CCZ1B: variants seen among roughly 807,000 people sequenced by gnomAD.
CCZ1B encodes vacuolar fusion protein CCZ1 homolog B.
CCZ1B carries 25 observed loss-of-function variants against 58.8 expected under a neutral mutation model. That is an observed-to-expected ratio of 0.43 (90% CI 0.31 to 0.59). The LOEUF (loss-of-function observed/expected upper bound fraction) is 0.59, where lower values mean the gene tolerates loss of function less well. Ranked by LOEUF, CCZ1B falls within the 20% of genes least tolerant of loss-of-function variation. The probability of loss-of-function intolerance (pLI) is 0.12; values close to 1 mark genes in which losing one functional copy is unlikely to be tolerated. For synonymous variants in CCZ1B, 66 were observed against 173.2 expected (o/e 0.38, Z 4.86); for missense variants, 180 against 501.5 (o/e 0.36, Z 6.12).
At chr7:6,825,562 A>G (rs1051862199) in intron 1 of CCZ1B, among the ~76,000 whole-genome samples, 2 of 119,660 alleles carry the variant, frequency 1.7e-5, no homozygotes, top group African/African-American at 7.0e-5. Flanking sequence ...GACAGTCTTT[A>G]ACAGAAGTCT....
chr7:6,820,421 C>T (rs1378507423), intron 6 of CCZ1B, among the ~76,000 whole-genome samples: 1 of 149,238 alleles, frequency 6.7e-6, no homozygotes, highest in Admixed American at 6.7e-5. Flanking sequence ...TCGTGATCTG[C>T]CTGCCTCAGC....
Position 6,814,855 on chromosome 7 carries a change from C to A in CCZ1B, c.699-10G>T, listed in dbSNP as rs370149338. The A allele has an allele frequency of 4.4e-6, 7 of 1,581,780 alleles. No individual in the cohort carries two copies. Among genetic ancestry groups the A allele is most frequent in the Non-Finnish European group, 6.0e-6 (7 of 1,159,332 alleles). The stretch of plus-strand genomic sequence containing the variant: ...TTGTTCTAATCCACTCCTGCAACAA[C>A]AGAAAAGCACTGGGTTAAACGTTTC... On this transcript the variant is annotated splice_polypyrimidine_tract_variant and intron_variant, in intron 7 of 14. Transcript: ENST00000316731.
In CCZ1B at chr7:6,811,942, C is replaced by T. The variant is rs1265414847; in HGVS notation, c.954+10G>A. 7 of 1,594,612 alleles carry T rather than the reference C, an allele frequency of 4.4e-6. No individual in the cohort carries two copies. The highest frequency in any genetic ancestry group is 4.5e-5 in the East Asian group (2 of 44,858). On this transcript the variant is annotated intron_variant, in intron 10 of 14. Transcript: ENST00000316731. ...ACAATCATTAACGCTGGAAGGAAAA[C>T]AGTTGTTACCTTATAAACGATTAAA...
chr7:6,810,356 G>A lies in CCZ1B; in HGVS notation c.954+1596C>T, dbSNP rs1362000803. On this transcript the variant is annotated intron_variant, in intron 10 of 14. Transcript: ENST00000316731. ...TTATCTGTGGTTGACAGCTTGGCAT[G>A]GCAAAGAACTCTATGCTCAAATTCA... is the stretch of plus-strand genomic sequence containing the variant. Among the ~76,000 whole-genome samples the A allele has an allele frequency of 2.0e-5, 3 of 149,250 alleles. No homozygotes were observed. The South Asian group carries it at 6.3e-4, about 31-fold the overall frequency.
At chr7:6,804,465 T>A (rs1378452047) in intron 12 of CCZ1B, among the ~76,000 whole-genome samples, 1 of 119,710 alleles carries the variant, frequency 8.4e-6, no homozygotes, top group East Asian at 3.4e-4. Flanking sequence ...GACATTTCAG[T>A]GTCTAGAGAG....
chr7:6,815,952 C>T (rs1218343488), intron 7 of CCZ1B, among the ~76,000 whole-genome samples: 2 of 145,312 alleles, frequency 1.4e-5, no homozygotes, highest in African/African-American at 5.3e-5. Flanking sequence ...GGAACGTGAT[C>T]CTAGGTCTCA....
At chr7:6,804,143 G>C (rs1488557151) in intron 12 of CCZ1B, among the ~76,000 whole-genome samples, 1 of 150,160 alleles carries the variant, frequency 6.7e-6, no homozygotes, top group South Asian at 2.2e-4. Flanking sequence ...AGATAGGCAT[G>C]GCCGGGTGCG....
intron 10 of CCZ1B, chr7:6,807,200 G>A (rs1782843649): frequency 3.8e-5 from 4 of 104,842 alleles, no homozygotes; most frequent in Admixed American, 1.1e-4. Flanking sequence ...GTGGTGGTGC[G>A]CCTATAATCC....
intron 14 of CCZ1B, 69 bp from the exon 15 acceptor site, chr7:6,799,348 A>G: frequency 1.0e-6 from 1 of 991,376 alleles, no homozygotes; most frequent in African/African-American, 2.8e-5. Flanking sequence ...TATATAATTA[A>G]ATTCTTCTTG....
At chr7:6,816,804 G>T (rs1387498279) in intron 7 of CCZ1B, among the ~76,000 whole-genome samples, 4 of 151,790 alleles carry the variant, frequency 2.6e-5, no homozygotes, top group African/African-American at 4.9e-5. Flanking sequence ...CCAGGCTGGA[G>T]TACAGTGGTG....
At chr7:6,818,712 C>CAAGAAAGAAAGA (rs769620724) in intron 7 of CCZ1B, among the ~76,000 whole-genome samples, 78 of 80,682 alleles carry the variant, frequency 9.7e-4, no homozygotes, top group South Asian at 5.6e-3. Context: ...GAAAGAAAGA[C>CAAGAAAGAAAGA]AAGAAAGAAA....
rs1261611619 is a variant in CCZ1B at position 6,818,674 on chromosome 7, AAAGAAAGAAAGAAAGAAAGAC to A, written c.698+1071_698+1091del. ...GACAGAAAGAAAGACAGACAGAAAG[AAAGAAAGAAAGAAAGAAAGAC>A]AAGAAAGAAAGAAAGACAAGAAAGA... On this transcript the variant is annotated intron_variant, in intron 7 of 14. Coordinates refer to ENST00000316731, the MANE Select transcript of CCZ1B (RefSeq NM_198097.5). Among the ~76,000 whole-genome samples, 13 of 79,654 alleles carry A rather than the reference AAAGAAAGAAAGAAAGAAAGAC, an allele frequency of 1.6e-4. 1 individual carries two copies. In the East Asian group the frequency reaches 2.2e-3, roughly 13 times the overall value. The allele number at this position is 79,654 out of a possible 152,430, so 52.3% of individuals were successfully genotyped here. A position where few individuals can be genotyped will look rare whatever the true frequency, so the allele number is the denominator to read the frequency against.
chr7:6,815,378 G>A (rs1782984396), intron 7 of CCZ1B, among the ~76,000 whole-genome samples: 1 of 149,326 alleles, frequency 6.7e-6, no homozygotes, highest in African/African-American at 2.5e-5. Context: ...TGCCAGGCTG[G>A]TTTCGAACTC....
intron 7 of CCZ1B, among the ~76,000 whole-genome samples, chr7:6,818,629 A>AC (rs1562431286): frequency 2.8e-5 from 4 of 142,590 alleles, no homozygotes; most frequent in African/African-American, 8.5e-5. Flanking sequence ...AGAAAGAAAG[A>AC]AAGACAAGAA....
chr7:6,817,587 G>A (rs1468602070), intron 7 of CCZ1B, among the ~76,000 whole-genome samples: 1 of 149,854 alleles, frequency 6.7e-6, no homozygotes, highest in Admixed American at 6.6e-5. Flanking sequence ...TGCTACAGAA[G>A]CACAACTAGC....
rs2115130176 is a variant in CCZ1B, at chr7:6,823,049, T to C, written c.438+264A>G. Among the ~76,000 whole-genome samples, 2 of 148,150 alleles carry C rather than the reference T, an allele frequency of 1.3e-5. 1 individual carries two copies. Among genetic ancestry groups the C allele is most frequent in the Non-Finnish European group, 3.0e-5 (2 of 67,464 alleles). On this transcript the variant is annotated intron_variant, in intron 5 of 14. Transcript: ENST00000316731. The stretch of plus-strand genomic sequence containing the variant: ...CATAAAATTATCTGCATTCTGTATG[T>C]TCCTTGAGCACATAGATACACTTTT...
chr7:6,799,719 A>AG (rs1214657834), intron 14 of CCZ1B, among the ~76,000 whole-genome samples: 1 of 9,360 alleles, frequency 1.1e-4, no homozygotes, highest in Non-Finnish European at 1.7e-4. Flanking sequence ...CAAGTAGAAG[A>AG]GGGGAAAAAA....
chr7:6,804,203 T>C (rs1782803548), intron 12 of CCZ1B, among the ~76,000 whole-genome samples: 1 of 140,812 alleles, frequency 7.1e-6, no homozygotes, highest in African/African-American at 2.6e-5. Context: ...GGCAGGTGGA[T>C]CACTTGAGGT....
At chr7:6,819,123 GAAA>G (rs1173368085) in intron 7 of CCZ1B, among the ~76,000 whole-genome samples, 4 of 65,656 alleles carry the variant, frequency 6.1e-5, no homozygotes, top group East Asian at 4.4e-4. Flanking sequence ...ATCTCTATAA[GAAA>G]AAAAAAAAAA....
Sources: allele counts gnomAD v4.1 joint callset (sites outside exome capture counted in the v4.1 genomes callset), GRCh38; gene constraint gnomAD v4.1.1; transcripts MANE v1.5; gene names NCBI Gene and HGNC (gene_info 2026-07-23, HGNC 2026-07-21).